The following PDE4A variants were observed in gnomAD, a reference collection of about 807,000 sequenced individuals.
PDE4A encodes the protein phosphodiesterase 4A.
A neutral mutation model predicts 73.9 loss-of-function variants in PDE4A; 21 were observed. That is an observed-to-expected ratio of 0.28 (90% CI 0.20 to 0.41). The LOEUF (loss-of-function observed/expected upper bound fraction) is 0.41, where lower values mean the gene tolerates loss of function less well. PDE4A is among the 10% of genes least tolerant of loss of function. The pLI is 1.00. For synonymous variants in PDE4A, 463 were observed against 505.4 expected (o/e 0.92, Z 1.13); for missense variants, 958 against 1,211.4 (o/e 0.79, Z 3.10).
At chr19:10,441,891 T>C (rs1206662747) in intron 1 of PDE4A, among the ~76,000 whole-genome samples, 2 of 151,626 alleles carry the variant, frequency 1.3e-5, no homozygotes, top group Non-Finnish European at 2.9e-5. Context: ...GGTTTCACCA[T>C]GTTGGCCAGG....
At chr19:10,464,453 G>A (rs2043330372) in intron 14 of PDE4A, 1 of 455,032 alleles carries the variant, frequency 2.2e-6, no homozygotes, top group Admixed American at 2.4e-5. Flanking sequence ...GTCTTGCACT[G>A]TTGCCCAGGG....
chr19:10,421,166 G>A, intron 1 of PDE4A, 82 bp downstream of exon 1: 1 of 1,339,096 alleles, frequency 7.5e-7, no homozygotes, highest in Non-Finnish European at 9.5e-7. Context: ...CGCAGGGGGC[G>A]CTAGGATGCG....
chr19:10,458,293 C>A lies in PDE4A; in HGVS notation c.1101+191C>A, dbSNP rs1018691178. 6.6e-6 allele frequency among the ~76,000 whole-genome samples: 1 copy of A among 152,146 alleles called. No homozygotes were observed. Among genetic ancestry groups the A allele is most frequent in the African/African-American group, 2.4e-5 (1 of 41,438 alleles). ...TATCATTCATTGCTTGGGGGCCGTCCCCAGGGCTGGACGTATCACCTCTTG... is the reference window on the plus strand; with the variant it reads ...TATCATTCATTGCTTGGGGGCCGTCACCAGGGCTGGACGTATCACCTCTTG... On this transcript the variant is annotated intron_variant, in intron 8 of 14. Transcript: ENST00000380702. The surrounding 1 kb of genome is among the most constrained non-coding windows in gnomAD (Gnocchi z 4.6).
At chr19:10,462,407 C>A (rs1272532855) in intron 13 of PDE4A, among the ~76,000 whole-genome samples, 3 of 151,452 alleles carry the variant, frequency 2.0e-5, no homozygotes, top group East Asian at 3.9e-4. Flanking sequence ...CCCCGCCCCC[C>A]GCCTTGGCCT....
At position 10,450,424 on chromosome 19, in the gene PDE4A, T is replaced by A. The variant is rs920029232; in HGVS notation, c.621-179T>A. ...ACCTCCTTGAGCCTCAGTTTCCACA[T>A]CTATAAAATGGATTTTTCTGGGACT... On this transcript the variant is annotated intron_variant, in intron 4 of 14. Transcript: ENST00000380702. 6 of 897,012 alleles carry A rather than the reference T, an allele frequency of 6.7e-6. No homozygotes were observed. In the African/African-American group the frequency reaches 1.1e-4, roughly 16 times the overall value. 55.6% of individuals were successfully genotyped at this position (897,012 alleles called of 1,614,324 possible). A position where few individuals can be genotyped will look rare whatever the true frequency, so the allele number is the denominator to read the frequency against.
intron 1 of PDE4A, among the ~76,000 whole-genome samples, chr19:10,438,478 C>T (rs545966800): frequency 3.3e-5 from 5 of 152,190 alleles, no homozygotes; most frequent in East Asian, 3.9e-4. Context: ...CTCCCCCAGC[C>T]GCTGGCACCC....
chr19:10,423,228 A>G, intron 1 of PDE4A: 1 of 598,118 alleles, frequency 1.7e-6, no homozygotes, highest in Non-Finnish European at 2.0e-6. Flanking sequence ...GCGTGATCTC[A>G]GCTCACTGCA....
intron 1 of PDE4A, among the ~76,000 whole-genome samples, chr19:10,422,113 A>G (rs2042658797): frequency 6.6e-6 from 1 of 152,104 alleles, no homozygotes; most frequent in Non-Finnish European, 1.5e-5. Context: ...TGATTGGGAT[A>G]GAGTGACTGT....
At chr19:10,443,476 T>C (rs1331705078) in intron 1 of PDE4A, among the ~76,000 whole-genome samples, 1 of 138,482 alleles carries the variant, frequency 7.2e-6, no homozygotes, top group Non-Finnish European at 1.5e-5. Context: ...GCCAGGGAGG[T>C]GGAGGTTGCA....
Position 10,457,940 on chromosome 19 carries a change from G to A in PDE4A, c.939G>A (p.Ala313=), listed in dbSNP as rs147458657. Residue 313 remains alanine (A), a synonymous_variant, in exon 8 of 15, where the codon GCG becomes GCA. Transcript: ENST00000380702. Reference sequence around the variant, plus strand: ...TGAAGGAACGAGAAAAACAGCAAGCGCCGCGACCAAGACCCTCCCAGCCGC... The same window carrying A: ...TGAAGGAACGAGAAAAACAGCAAGCACCGCGACCAAGACCCTCCCAGCCGC... ...PTMKEREKQQ[A]PRPRPSQPPP... 18 of 1,613,240 alleles carry A rather than the reference G, an allele frequency of 1.1e-5. No homozygotes were observed. Among genetic ancestry groups the A allele is most frequent in the East Asian group, 4.5e-5 (2 of 44,890 alleles).
At chr19:10,433,307 A>T (rs2042819802) in intron 1 of PDE4A, among the ~76,000 whole-genome samples, 2 of 151,902 alleles carry the variant, frequency 1.3e-5, no homozygotes, top group Admixed American at 1.3e-4. Flanking sequence ...ACCCTGGCCC[A>T]GCCCTCGCAC....
At position 10,424,425 on chromosome 19, in the gene PDE4A, G is replaced by A. The variant is rs978602252; in HGVS notation, c.320+3341G>A. Among the ~76,000 whole-genome samples, 7 of 152,188 alleles carry A rather than the reference G, an allele frequency of 4.6e-5. No homozygotes were observed. The highest frequency in any genetic ancestry group is 1.7e-4 in the African/African-American group (7 of 41,456). ...CCACTTGGGTCCTCGCCTCCCCCTT[G>A]TCCCTGGCGCTCCCAAGTCCCTGGA... On this transcript the variant is annotated intron_variant, in intron 1 of 14. Coordinates refer to ENST00000380702, the MANE Select transcript of PDE4A (RefSeq NM_001111307.2). This position sits in a 1 kb window ranked among gnomAD's most constrained non-coding sequence, Gnocchi z 4.8.
At chr19:10,452,929 C>T (rs1474969742) in intron 6 of PDE4A, 4 of 1,087,018 alleles carry the variant, frequency 3.7e-6, no homozygotes, top group African/African-American at 3.4e-5. Context: ...TGAGCACACA[C>T]GCACACACAC....
chr19:10,417,786 G>A (rs752458320), upstream of PDE4A: 1 of 1,561,186 alleles, frequency 6.4e-7, no homozygotes, highest in South Asian at 1.2e-5. Flanking sequence ...GGACCCTGGG[G>A]TCCCTCTGCC....
chr19:10,433,563 C>T (rs1325878257), intron 1 of PDE4A, among the ~76,000 whole-genome samples: 2 of 152,178 alleles, frequency 1.3e-5, no homozygotes, highest in Non-Finnish European at 2.9e-5. Flanking sequence ...CAGAGATGCA[C>T]ACAGGCACCC....
rs1027444673 is a variant in PDE4A, at chr19:10,462,010, G to A, written c.1743+11G>A. On this transcript the variant is annotated intron_variant, in intron 13 of 14. Transcript: ENST00000380702. Reference sequence around the variant, plus strand: ...TCCGACCGCATCCAGGTGCCCCCACGCCCCATCATCTAAGGAGGGAGGACA... The same window carrying A: ...TCCGACCGCATCCAGGTGCCCCCACACCCCATCATCTAAGGAGGGAGGACA... 3.7e-6 allele frequency: 6 copies of A among 1,608,222 alleles called. No homozygotes were observed. The highest frequency in any genetic ancestry group is 3.3e-5 in the South Asian group (3 of 90,382).
intron 6 of PDE4A, 103 bp downstream of exon 6, chr19:10,451,044 G>A: frequency 8.8e-7 from 1 of 1,135,228 alleles, no homozygotes; most frequent in Non-Finnish European, 1.3e-6. Flanking sequence ...CCTGCGGATG[G>A]AGCCAGCCAT....
rs139094010 is a variant in PDE4A at position 10,461,936 on chromosome 19, G to A, written c.1680G>A (p.Val560=). The change falls in exon 13 of 15, where the codon GTG becomes GTA. Residue 560 remains valine (V), a synonymous_variant. Coordinates refer to ENST00000380702, the MANE Select transcript of PDE4A (RefSeq NM_001111307.2). ...TCCTGGCTGACCTGAAGACCATGGT[G>A]GAGACCAAGAAAGTGACCAGCTCAG... ...MTLLADLKTM[V]ETKKVTSSGV... 1.9e-6 allele frequency: 3 copies of A among 1,614,092 alleles called. No homozygotes were observed. The highest frequency in any genetic ancestry group is 2.7e-5 in the African/African-American group (2 of 75,022).
chr19:10,418,764 C>T (rs2042611120), upstream of PDE4A: 2 of 985,358 alleles, frequency 2.0e-6, no homozygotes, highest in East Asian at 2.3e-4. Context: ...CGCACTCCCA[C>T]CCGCTTCCAG....
Sources: allele counts gnomAD v4.1 joint callset (sites outside exome capture counted in the v4.1 genomes callset), GRCh38; gene constraint gnomAD v4.1.1; non-coding constraint Gnocchi (gnomAD v3.1); transcripts MANE v1.5; gene names NCBI Gene and HGNC (gene_info 2026-07-23, HGNC 2026-07-21).